DMBT1: variants seen among roughly 807,000 people sequenced by gnomAD.
The protein encoded by DMBT1 is scavenger receptor cysteine-rich domain-containing protein DMBT1.
A neutral mutation model predicts 252.9 loss-of-function variants in DMBT1; 198 were observed. That is an observed-to-expected ratio of 0.78 (90% confidence interval 0.70 to 0.88). The LOEUF (loss-of-function observed/expected upper bound fraction) is 0.88, where lower values mean the gene tolerates loss of function less well. Among genes scored for constraint, DMBT1 ranks in the 40% least tolerant of loss-of-function variants. DMBT1 has a pLI of 0.00. For missense variants in DMBT1, 2,432 were observed against 2,404.7 expected (o/e 1.01, Z -0.24); for synonymous variants, 990 against 942.7 (o/e 1.05, Z -0.92).
At chr10:122,579,923 C>A (rs1969621) in intron 10 of DMBT1, 22 bp downstream of exon 10, 42,335 of 1,613,524 alleles carry the variant, frequency 0.026, 2,310 homozygotes, top group East Asian at 0.21. Flanking sequence ...AGAACTTGGG[C>A]TCACTCTCTT....
At chr10:122,624,905 C>T (rs1449721689) in intron 44 of DMBT1, among the ~76,000 whole-genome samples, 1 of 152,230 alleles carries the variant, frequency 6.6e-6, no homozygotes, top group African/African-American at 2.4e-5. Context: ...CATGACAAGG[C>T]TTCTCTTTGC....
chr10:122,572,495 C>A, intron 5 of DMBT1, 134 bp downstream of exon 5: 1 of 1,256,384 alleles, frequency 8.0e-7, no homozygotes, highest in South Asian at 1.2e-5. Flanking sequence ...GTGTGGATAT[C>A]ACCTTGTGCT....
chr10:122,597,947 T>C, intron 24 of DMBT1, 27 bp from the exon 25 acceptor site: 4 of 1,613,870 alleles, frequency 2.5e-6, no homozygotes, highest in Non-Finnish European at 3.4e-6. Context: ...ACTTTAATTC[T>C]AGCCTTTGTC....
intron 41 of DMBT1, among the ~76,000 whole-genome samples, chr10:122,618,966 C>T (rs1170104971): frequency 6.6e-6 from 1 of 152,220 alleles, no homozygotes; most frequent in East Asian, 1.9e-4. Context: ...GTGGTCGGGG[C>T]TGTAAGATCA....
At chr10:122,576,891 T>A (rs900550157) in intron 7 of DMBT1, among the ~76,000 whole-genome samples, 169 bp downstream of exon 7, 1 of 152,160 alleles carries the variant, frequency 6.6e-6, no homozygotes, top group Non-Finnish European at 1.5e-5. Flanking sequence ...TTGGGCCCAT[T>A]CTGGGGACAG....
chr10:122,566,002 A>C lies in DMBT1; in HGVS notation c.91+6A>C, dbSNP rs1002604057. 6 of 1,613,730 alleles carry C rather than the reference A, an allele frequency of 3.7e-6. No homozygotes were observed. The highest frequency in any genetic ancestry group is 1.6e-4 in the Middle Eastern group (1 of 6,084). On this transcript the variant is annotated splice_donor_region_variant and intron_variant, in intron 2 of 55. Transcript: ENST00000338354. ...CCCAAGGACTACAGACTACGGTAAG[A>C]CCTTTTCTTCACTCCTCTTCCCTGG...
At chr10:122,590,015 G>C (rs1191711296) in intron 17 of DMBT1, among the ~76,000 whole-genome samples, 1 of 148,550 alleles carries the variant, frequency 6.7e-6, no homozygotes, top group Non-Finnish European at 1.5e-5. Flanking sequence ...GTGAGGGTGA[G>C]GTGGATGGAG....
chr10:122,570,354 C>T (rs1405969704), intron 3 of DMBT1, 145 bp downstream of exon 3: 6 of 745,498 alleles, frequency 8.0e-6, no homozygotes, highest in Non-Finnish European at 1.4e-5. Context: ...GGCTACAATG[C>T]CTGGGGTGTG....
At chr10:122,564,377 G>A (rs2097572285) in intron 1 of DMBT1, among the ~76,000 whole-genome samples, 1 of 152,230 alleles carries the variant, frequency 6.6e-6, no homozygotes, top group African/African-American at 2.4e-5. Flanking sequence ...CTGGAGGCAG[G>A]AGGCTCGCTT....
intron 52 of DMBT1, among the ~76,000 whole-genome samples, chr10:122,635,389 G>C (rs965567374): frequency 6.6e-6 from 1 of 152,110 alleles, no homozygotes; most frequent in Non-Finnish European, 1.5e-5. Flanking sequence ...ATCAGGATGC[G>C]AGCCCTTCCT....
chr10:122,596,956 C>T, intron 23 of DMBT1, 69 bp from the exon 24 acceptor site: 4 of 421,534 alleles, frequency 9.5e-6, no homozygotes, highest in East Asian at 3.7e-5. Flanking sequence ...TGTTTAGTTC[C>T]TTCCACCTTT....
intron 26 of DMBT1, among the ~76,000 whole-genome samples, 185 bp downstream of exon 26, chr10:122,599,282 A>G (rs1317240854): frequency 6.6e-6 from 1 of 152,206 alleles, no homozygotes. Flanking sequence ...GTCACTTAGG[A>G]CAGGGGACCA....
At position 122,586,886 on chromosome 10, in the gene DMBT1, G is replaced by T. The variant is rs1463988252; in HGVS notation, c.1783+503G>T. 4.0e-5 allele frequency among the ~76,000 whole-genome samples: 6 copies of T among 148,322 alleles called. 1 individual carries two copies. The highest frequency in any genetic ancestry group is 7.3e-5 in the African/African-American group (3 of 41,072). ...ATGAAGCAAGATGGCAGAAGAAGAT[G>T]GGGAGGTGGCCTGGACAGAGGTCAC... On this transcript the variant is annotated intron_variant, in intron 16 of 55. Coordinates refer to ENST00000338354, the MANE Select transcript of DMBT1 (RefSeq NM_001377530.1).
At chr10:122,641,522 G>A (rs1844528848) in intron 55 of DMBT1, among the ~76,000 whole-genome samples, 1 of 152,168 alleles carries the variant, frequency 6.6e-6, no homozygotes. Context: ...GGTAGGTGTT[G>A]AGGCTCACCT....
chr10:122,637,964 A>T (rs991416936), intron 54 of DMBT1, among the ~76,000 whole-genome samples: 1 of 152,172 alleles, frequency 6.6e-6, no homozygotes, highest in African/African-American at 2.4e-5. Context: ...GGCTGCAACT[A>T]TGATTATACT....
intron 49 of DMBT1, 132 bp from the exon 50 acceptor site, chr10:122,631,723 G>T: frequency 1.1e-6 from 1 of 877,056 alleles, no homozygotes; most frequent in Non-Finnish European, 1.8e-6. Context: ...AATAGCAATT[G>T]CTGGGTGGAC....
chr10:122,631,854 G>A lies in DMBT1; in HGVS notation c.6347-1G>A, dbSNP rs767629379. 2 of 1,613,800 alleles carry A rather than the reference G, an allele frequency of 1.2e-6. No individual in the cohort carries two copies. The highest frequency in any genetic ancestry group is 1.7e-6 in the Non-Finnish European group (2 of 1,179,814). On this transcript the variant is annotated splice_acceptor_variant, in intron 49 of 55. Transcript: ENST00000338354. LOFTEE classifies it high-confidence loss of function. ...ATGCTTTTTTTCTATTCCTTTTTCA[G>A]GAAACCATCTATCGACACCTGGTAA...
intron 44 of DMBT1, among the ~76,000 whole-genome samples, chr10:122,622,543 C>T (rs879723136): frequency 1.3e-5 from 2 of 152,170 alleles, no homozygotes; most frequent in Non-Finnish European, 2.9e-5. Context: ...TTGCTTTTTG[C>T]ATGTGGCTGA....
intron 20 of DMBT1, 90 bp downstream of exon 20, chr10:122,592,685 G>A (rs1314840160): frequency 1.3e-6 from 2 of 1,554,840 alleles, no homozygotes; most frequent in Non-Finnish European, 1.7e-6. Flanking sequence ...CTCACTCAAA[G>A]ATTCTTCTAT....
Sources: allele counts gnomAD v4.1 joint callset (sites outside exome capture counted in the v4.1 genomes callset), GRCh38; gene constraint gnomAD v4.1.1; transcripts MANE v1.5; gene names NCBI Gene and HGNC (gene_info 2026-07-23, HGNC 2026-07-21).